Variants in CNTNAP3B observed in about 807,000 individuals in gnomAD.
CNTNAP3B encodes contactin-associated protein-like 3B.
Under a neutral mutation model 108.9 loss-of-function variants are expected in CNTNAP3B, and 25 were observed. The ratio of observed to expected loss-of-function variants is 0.23; its 90% CI spans 0.17 to 0.32. The LOEUF (loss-of-function observed/expected upper bound fraction) is 0.32. Among genes scored for constraint, CNTNAP3B ranks in the 10% least tolerant of loss-of-function variants. The probability of loss-of-function intolerance (pLI) is 1.00; values close to 1 mark genes in which losing one functional copy is unlikely to be tolerated. For synonymous variants in CNTNAP3B, 103 were observed against 473.4 expected (o/e 0.22, Z 10.16); for missense variants, 252 against 1,210.4 (o/e 0.21, Z 11.75).
At chr9:41,928,453 T>C (rs142771616) in intron 15 of CNTNAP3B, among the ~76,000 whole-genome samples, 210 of 151,746 alleles carry the variant, frequency 1.4e-3, no homozygotes, top group East Asian at 0.013. Flanking sequence ...GGGGAGTGAG[T>C]ACACATCGAT....
rs1314986009 is a variant in CNTNAP3B at position 42,115,425 on chromosome 9, C to G, written c.86-10686G>C. Among the ~76,000 whole-genome samples, 8 of 138,314 alleles carry G rather than the reference C, an allele frequency of 5.8e-5. 1 individual carries two copies. The highest frequency in any genetic ancestry group is 1.1e-4 in the Non-Finnish European group (7 of 64,690). 90.7% of individuals were successfully genotyped at this position (138,314 alleles called of 152,430 possible). A position where few individuals can be genotyped will look rare whatever the true frequency, so the allele number is the denominator to read the frequency against. Reference sequence around the variant, plus strand: ...GGAAAGACTGCCTCCTTAAGTGGGTCCCTGACCCCTGCGTAGCCTAACTGG... The same window carrying G: ...GGAAAGACTGCCTCCTTAAGTGGGTGCCTGACCCCTGCGTAGCCTAACTGG... On this transcript the variant is annotated intron_variant, in intron 1 of 23. Transcript: ENST00000377561.
intron 1 of CNTNAP3B, among the ~76,000 whole-genome samples, chr9:42,121,398 G>A (rs1828458904): frequency 7.2e-6 from 1 of 138,966 alleles, no homozygotes; most frequent in African/African-American, 2.9e-5. Flanking sequence ...TGGGACAGTG[G>A]ACTTTCCAGA....
chr9:42,092,945 CTTAAGT>C (rs1827833774), intron 2 of CNTNAP3B, among the ~76,000 whole-genome samples: 1 of 69,606 alleles, frequency 1.4e-5, no homozygotes, highest in South Asian at 4.6e-4. Context: ...ACTACAGAAG[CTTAAGT>C]TTAATTCCAT....
chr9:42,121,129 T>C lies in CNTNAP3B; in HGVS notation c.85+7881A>G, dbSNP rs1052960445. On this transcript the variant is annotated intron_variant, in intron 1 of 23. Transcript: ENST00000377561. ...CACCCCAAGGGCAGTGCTGAATCCC[T>C]GGACAGGACTCAGGATAAATGCATT... Among the ~76,000 whole-genome samples, 12 of 138,638 alleles carry C rather than the reference T, an allele frequency of 8.7e-5. 1 individual carries two copies. The highest frequency in any genetic ancestry group is 3.4e-4 in the African/African-American group (12 of 34,860). 91.0% of individuals were successfully genotyped at this position (138,638 alleles called of 152,430 possible).
intron 13 of CNTNAP3B, among the ~76,000 whole-genome samples, chr9:41,944,570 T>G (rs1459445536): frequency 6.6e-6 from 1 of 152,324 alleles, no homozygotes; most frequent in African/African-American, 2.4e-5. Flanking sequence ...AGTGAGGATA[T>G]GGAATCATAT....
rs186721807 is a variant in CNTNAP3B at position 42,056,668 on chromosome 9, T to C, written c.390+20201A>G. On this transcript the variant is annotated intron_variant, in intron 3 of 23. Transcript: ENST00000377561. ...CCAAGCATTATCTCATAAATTTATA[T>C]ACTATTTTTTCTTCATGTGGAATGC... is the stretch of plus-strand genomic sequence containing the variant. Among the ~76,000 whole-genome samples, 2 of 128,434 alleles carry C rather than the reference T, an allele frequency of 1.6e-5. 1 individual carries two copies. The highest frequency in any genetic ancestry group is 6.7e-5 in the African/African-American group (2 of 29,726). 84.3% of individuals were successfully genotyped at this position (128,434 alleles called of 152,430 possible).
intron 3 of CNTNAP3B, among the ~76,000 whole-genome samples, chr9:42,026,592 A>AG (rs1202430234): frequency 4.6e-5 from 4 of 87,566 alleles, no homozygotes; most frequent in African/African-American, 1.8e-4. Flanking sequence ...CCTCCGTCTC[A>AG]GGGAAAAAAA....
At chr9:41,955,618 C>A (rs1363455270) in intron 12 of CNTNAP3B, among the ~76,000 whole-genome samples, 16 of 152,006 alleles carry the variant, frequency 1.1e-4, no homozygotes, top group African/African-American at 3.4e-4. Context: ...GCAGCCTCGA[C>A]CTCCTGGGCT....
Position 41,934,100 on chromosome 9 carries a change from C to CATATATATATATATATATATATATATAT in CNTNAP3B, c.2237+4143_2237+4144insATATATATATATATATATATATATATAT, listed in dbSNP as rs1186532915. On this transcript the variant is annotated intron_variant, in intron 14 of 23. Coordinates refer to ENST00000377561, the MANE Select transcript of CNTNAP3B (RefSeq NM_001201380.3). ...TCAATTTGCCTTTGCATATTTGTTA[C>CATATATATATATATATATATATATATAT]ATATATATATATATATATATATACA... Among the ~76,000 whole-genome samples, 207 of 89,918 alleles carry CATATATATATATATATATATATATATAT rather than the reference C, an allele frequency of 2.3e-3. 3 individuals carry two copies. Among genetic ancestry groups the CATATATATATATATATATATATATATAT allele is most frequent in the South Asian group, 3.8e-3 (10 of 2,598 alleles). 59.0% of individuals were successfully genotyped at this position (89,918 alleles called of 152,430 possible). A position where few individuals can be genotyped will look rare whatever the true frequency, so the allele number is the denominator to read the frequency against.
intron 3 of CNTNAP3B, among the ~76,000 whole-genome samples, chr9:42,075,354 G>A (rs1191178602): frequency 2.1e-4 from 30 of 141,920 alleles, no homozygotes; most frequent in Admixed American, 2.0e-3. Flanking sequence ...GAGATGCAGG[G>A]ATGAAAGGCA....
intron 10 of CNTNAP3B, among the ~76,000 whole-genome samples, chr9:41,968,857 G>A (rs1587161030): frequency 6.6e-6 from 1 of 150,950 alleles, no homozygotes; most frequent in South Asian, 2.1e-4. Context: ...GAGTGCAGTG[G>A]CACTATCTCA....
intron 13 of CNTNAP3B, among the ~76,000 whole-genome samples, chr9:41,941,551 C>A (rs1379532812): frequency 7.2e-6 from 1 of 139,048 alleles, no homozygotes; most frequent in Non-Finnish European, 1.6e-5. Flanking sequence ...TTCTGGTTTC[C>A]AATCTGATAT....
intron 13 of CNTNAP3B, among the ~76,000 whole-genome samples, chr9:41,944,430 T>A (rs1824461658): frequency 6.6e-6 from 1 of 152,098 alleles, no homozygotes; most frequent in Non-Finnish European, 1.5e-5. Flanking sequence ...AAATGCTGTG[T>A]TATAAAGTAC....
At chr9:41,959,369 GAGA>G (rs1423585905) in intron 12 of CNTNAP3B, among the ~76,000 whole-genome samples, 1 of 152,270 alleles carries the variant, frequency 6.6e-6, no homozygotes, top group East Asian at 1.9e-4. Flanking sequence ...GGCATCTAAA[GAGA>G]AGGTGACATT....
chr9:41,936,006 G>A (rs1329747271), intron 14 of CNTNAP3B, among the ~76,000 whole-genome samples: 1 of 152,234 alleles, frequency 6.6e-6, no homozygotes, highest in African/African-American at 2.4e-5. Flanking sequence ...TCTGGTTACT[G>A]CCCTAAGCAT....
At position 42,075,560 on chromosome 9, in the gene CNTNAP3B, A is replaced by C. The variant is rs1294053531; in HGVS notation, c.390+1309T>G. On this transcript the variant is annotated intron_variant, in intron 3 of 23. Transcript: ENST00000377561. ...CCGCAGGCTAGTAACCTTTCAGAGT[A>C]AGCAAAATTGGCAAATGACATTGCC... 1.6e-5 allele frequency among the ~76,000 whole-genome samples: 2 copies of C among 126,780 alleles called. 1 individual carries two copies. The highest frequency in any genetic ancestry group is 3.3e-5 in the Non-Finnish European group (2 of 60,346). The allele number at this position is 126,780 out of a possible 152,430, so 83.2% of individuals were successfully genotyped here.
intron 4 of CNTNAP3B, among the ~76,000 whole-genome samples, chr9:41,999,562 C>T: frequency 8.0e-6 from 1 of 125,124 alleles, no homozygotes; most frequent in Non-Finnish European, 1.6e-5. Context: ...CACACACACA[C>T]ACACACAGGC....
At chr9:41,943,643 C>T (rs1255043628) in intron 13 of CNTNAP3B, among the ~76,000 whole-genome samples, 17 of 149,150 alleles carry the variant, frequency 1.1e-4, no homozygotes, top group Admixed American at 1.0e-3. Context: ...AGTGAGTCAC[C>T]GCGCCCAGCC....
chr9:41,979,871 G>A (rs1260406889), intron 9 of CNTNAP3B: 2 of 128,582 alleles, frequency 1.6e-5, no homozygotes, highest in African/African-American at 3.6e-5. Context: ...TTACAGGCGT[G>A]GGCCACCACC....
Sources: allele counts gnomAD v4.1 joint callset (sites outside exome capture counted in the v4.1 genomes callset), GRCh38; gene constraint gnomAD v4.1.1; transcripts MANE v1.5; gene names NCBI Gene and HGNC (gene_info 2026-07-23, HGNC 2026-07-21).